Variants in GRIP1 observed in about 807,000 individuals in gnomAD.
GRIP1 encodes glutamate receptor interacting protein 1.
GRIP1 carries 45 observed loss-of-function variants against 129.9 expected under a neutral mutation model. The ratio of observed to expected loss-of-function variants is 0.35; its 90% CI spans 0.27 to 0.44. The LOEUF is 0.44. Ranked by LOEUF, GRIP1 falls within the 20% of genes least tolerant of loss-of-function variation. The probability of loss-of-function intolerance (pLI) is 1.00; values close to 1 mark genes in which losing one functional copy is unlikely to be tolerated. For synonymous variants in GRIP1, 530 were observed against 520.8 expected (o/e 1.02, Z -0.24); for missense variants, 1,196 against 1,396.8 (o/e 0.86, Z 2.29).
intron 1 of GRIP1, among the ~76,000 whole-genome samples, chr12:66,885,013 G>T (rs1282615677): frequency 2.6e-5 from 4 of 152,226 alleles, no homozygotes; most frequent in African/African-American, 7.2e-5. Context: ...GCACTTAGAG[G>T]TTTTCTGCTG....
chr12:66,822,234 T>C (rs1052753797), intron 1 of GRIP1, among the ~76,000 whole-genome samples: 1 of 152,378 alleles, frequency 6.6e-6, no homozygotes, highest in South Asian at 2.1e-4. Context: ...TTTTCACCTA[T>C]GTTTTATGAC....
chr12:66,633,781 C>A (rs188712455), intron 1 of GRIP1, among the ~76,000 whole-genome samples: 11 of 152,300 alleles, frequency 7.2e-5, no homozygotes, highest in African/African-American at 2.6e-4. Flanking sequence ...TGACCCCTGG[C>A]CACAGCCTAA....
rs1414021472 is a variant in GRIP1, at chr12:66,529,913, A to G, written c.420T>C (p.Ser140=). 6.4e-7 allele frequency: 1 copy of G among 1,554,688 alleles called. No individual in the cohort carries two copies. The highest frequency in any genetic ancestry group is 1.4e-5 in the African/African-American group (1 of 73,920). The change falls in exon 5 of 25, where the codon TCT becomes TCC. Residue 140 remains serine (S), a splice_region_variant and synonymous_variant. Transcript: ENST00000359742. ...GGAAAATAACACTTGATCCTTGCACAGCTGAATAAAGGAAAGAGAGAAGGA... is the reference window on the plus strand; with the variant it reads ...GGAAAATAACACTTGATCCTTGCACGGCTGAATAAAGGAAAGAGAGAAGGA... ...LEVEYELPPV[S]VQGSSVIFRT... is the part of the protein sequence containing the mutation.
intron 1 of GRIP1, among the ~76,000 whole-genome samples, chr12:66,785,327 C>CATATATATATATATATAT (rs1415065185): frequency 3.1e-4 from 12 of 38,508 alleles, no homozygotes; most frequent in African/African-American, 9.4e-4. Flanking sequence ...TACATACATA[C>CATATATATATATATATAT]ATACATACAT....
chr12:66,644,390 C>T (rs1162232818), intron 1 of GRIP1, among the ~76,000 whole-genome samples: 2 of 152,142 alleles, frequency 1.3e-5, no homozygotes, highest in Non-Finnish European at 2.9e-5. Context: ...ACAGAAAGAG[C>T]AATTGCCTGT....
At position 66,859,272 on chromosome 12, in the gene GRIP1, AAAAC is replaced by A. The variant is rs1566054545; in HGVS notation, c.58+209774_58+209777del. Among the ~76,000 whole-genome samples the A allele has an allele frequency of 2.4e-3, 123 of 50,806 alleles. 11 individuals carry two copies. Among genetic ancestry groups the A allele is most frequent in the Middle Eastern group, 9.3e-3 (1 of 108 alleles). 33.3% of individuals were successfully genotyped at this position (50,806 alleles called of 152,430 possible). A position where few individuals can be genotyped will look rare whatever the true frequency, so the allele number is the denominator to read the frequency against. On this transcript the variant is annotated intron_variant, in intron 1 of 1. Coordinates refer to the GRIP1 transcript ENST00000643019. The stretch of plus-strand genomic sequence containing the variant: ...TCCACATTTTCTGAAAAAAAACAAA[AAAAC>A]AAAAAAACAAAAAAACAAAAAAACA...
intron 1 of GRIP1, among the ~76,000 whole-genome samples, chr12:66,700,925 G>A (rs932910280): frequency 2.0e-5 from 3 of 152,082 alleles, no homozygotes; most frequent in African/African-American, 7.2e-5. Context: ...CCTGCTATGG[G>A]TCAGCCACTA....
At chr12:66,409,036 G>C (rs371612316) in intron 15 of GRIP1, among the ~76,000 whole-genome samples, 2 of 152,072 alleles carry the variant, frequency 1.3e-5, no homozygotes, top group South Asian at 4.1e-4. Context: ...TAAGGTTTTT[G>C]ACTCTAGGAC....
chr12:67,064,063 C>T (rs982533192), intron 1 of GRIP1, among the ~76,000 whole-genome samples: 1 of 152,002 alleles, frequency 6.6e-6, no homozygotes, highest in Non-Finnish European at 1.5e-5. Context: ...TGGTGGAAAA[C>T]CCATTCACTT....
At chr12:66,725,922 A>G (rs937768979) in intron 1 of GRIP1, among the ~76,000 whole-genome samples, 11 of 152,292 alleles carry the variant, frequency 7.2e-5, no homozygotes, top group African/African-American at 2.6e-4. Flanking sequence ...CTTCTTTTAA[A>G]AGGAAAACAT....
At chr12:66,351,597 G>C (rs941525652) in intron 24 of GRIP1, among the ~76,000 whole-genome samples, 2 of 147,626 alleles carry the variant, frequency 1.4e-5, no homozygotes, top group Non-Finnish European at 2.9e-5. Context: ...CTGCACCCAG[G>C]CTGGAGTACA....
At chr12:66,382,939 G>C (rs760758698) in intron 19 of GRIP1, among the ~76,000 whole-genome samples, 2 of 152,060 alleles carry the variant, frequency 1.3e-5, no homozygotes, top group Non-Finnish European at 2.9e-5. Context: ...GGTGCCAAAG[G>C]AAAAATGACA....
intron 1 of GRIP1, among the ~76,000 whole-genome samples, chr12:66,652,057 G>C (rs58966224): frequency 0.015 from 2,209 of 152,206 alleles, 38 homozygotes; most frequent in South Asian, 0.086. Context: ...TTTGGGAAAG[G>C]TGATTCTTCT....
At chr12:66,678,394 A>G (rs1159384221) in intron 1 of GRIP1, among the ~76,000 whole-genome samples, 2 of 152,192 alleles carry the variant, frequency 1.3e-5, no homozygotes, top group African/African-American at 4.8e-5. Context: ...AGCTCTTAAG[A>G]TGTTGGAAAG....
At chr12:66,908,976 CA>C (rs1203537164) in intron 1 of GRIP1, among the ~76,000 whole-genome samples, 9 of 152,190 alleles carry the variant, frequency 5.9e-5, no homozygotes, top group Non-Finnish European at 1.2e-4. Flanking sequence ...TTAGACTTCA[CA>C]ATGCACCCAG....
chr12:66,675,584 C>G (rs2098201876), intron 1 of GRIP1, among the ~76,000 whole-genome samples: 1 of 152,110 alleles, frequency 6.6e-6, no homozygotes, highest in African/African-American at 2.4e-5. Flanking sequence ...CAGGGCTGTC[C>G]CAGGTAAACA....
At chr12:66,867,882 G>A (rs762003124) in intron 1 of GRIP1, among the ~76,000 whole-genome samples, 2 of 151,992 alleles carry the variant, frequency 1.3e-5, no homozygotes, top group Non-Finnish European at 2.9e-5. Flanking sequence ...TGTTGAGCAG[G>A]GAACAAAAAT....
chr12:66,575,671 G>A (rs955504865), intron 2 of GRIP1, among the ~76,000 whole-genome samples: 4 of 152,176 alleles, frequency 2.6e-5, no homozygotes, highest in African/African-American at 9.7e-5. Context: ...GCTAAAAGGT[G>A]TTCAGGACAA....
In GRIP1 at chr12:66,463,216, T is replaced by C. The variant is rs1434370154; in HGVS notation, c.873-123A>G. The C allele has an allele frequency of 5.6e-6, 5 of 887,914 alleles. No individual in the cohort carries two copies. The East Asian group carries it at 1.3e-4, about 24-fold the overall frequency. The allele number at this position is 887,914 out of a possible 1,614,324, so 55.0% of individuals were successfully genotyped here. A position where few individuals can be genotyped will look rare whatever the true frequency, so the allele number is the denominator to read the frequency against. On this transcript the variant is annotated intron_variant, in intron 8 of 24. Transcript: ENST00000359742. ...ACTTAAAATAAAAGAAAAGAAAAGT[T>C]TGAGTGTTATAGGAAACACCATCTG...
Sources: allele counts gnomAD v4.1 joint callset (sites outside exome capture counted in the v4.1 genomes callset), GRCh38; gene constraint gnomAD v4.1.1; transcripts MANE v1.5; gene names NCBI Gene and HGNC (gene_info 2026-07-23, HGNC 2026-07-21).